The following GALNT18 variants were observed in gnomAD, a reference collection of about 807,000 sequenced individuals.
GALNT18 encodes polypeptide N-acetylgalactosaminyltransferase 18.
A neutral mutation model predicts 69.5 loss-of-function variants in GALNT18; 44 were observed. The observed-to-expected ratio is 0.63, with a 90% CI of 0.50 to 0.81. GALNT18 has a LOEUF of 0.81. Among genes scored for constraint, GALNT18 ranks in the 40% least tolerant of loss-of-function variants. The pLI is 0.00. For synonymous variants in GALNT18, 364 were observed against 318.2 expected (o/e 1.14, Z -1.53); for missense variants, 715 against 810.0 (o/e 0.88, Z 1.42).
In GALNT18 at chr11:11,605,210, C is replaced by T. The variant is rs1446863264; in HGVS notation, c.235+16149G>A. Among the ~76,000 whole-genome samples the T allele has an allele frequency of 6.6e-6, 1 of 152,178 alleles. No individual in the cohort carries two copies. Among genetic ancestry groups the T allele is most frequent in the East Asian group, 1.9e-4 (1 of 5,186 alleles). ...GGAGAAGGGTCTGTGGTGCCAAACT[C>T]AGACCCACACTCATGGGTGGGTGAT... On this transcript the variant is annotated intron_variant, in intron 1 of 10. Coordinates refer to ENST00000227756, the MANE Select transcript of GALNT18 (RefSeq NM_198516.3). This position sits in a 1 kb window ranked among gnomAD's most constrained non-coding sequence, Gnocchi z 4.7.
chr11:11,475,480 GAATTGTGGCTCTTGAGACCCCA>G (rs1326266333), intron 1 of GALNT18: 1 of 152,208 alleles, frequency 6.6e-6, no homozygotes, highest in African/African-American at 2.4e-5. Flanking sequence ...TAGAAGTCTA[GAATTGTGGCTCTTGAGACCCCA>G]AATTGAGTTT....
intron 1 of GALNT18, among the ~76,000 whole-genome samples, chr11:11,486,193 C>G (rs976330278): frequency 1.3e-5 from 2 of 152,184 alleles, no homozygotes; most frequent in Admixed American, 1.3e-4. Flanking sequence ...TTGTCAGAGG[C>G]TTGGCACCAT....
rs1859478586 is a variant in GALNT18 at position 11,595,567 on chromosome 11, A to C, written c.235+25792T>G. On this transcript the variant is annotated intron_variant, in intron 1 of 10. Coordinates refer to ENST00000227756, the MANE Select transcript of GALNT18 (RefSeq NM_198516.3). This position sits in a 1 kb window ranked among gnomAD's most constrained non-coding sequence, Gnocchi z 5.2. Reference sequence around the variant, plus strand: ...CCAACTTCTCCACATCCTCACCAACACTCATTATCCTAGTGGGTGTGAAGC... The same window carrying C: ...CCAACTTCTCCACATCCTCACCAACCCTCATTATCCTAGTGGGTGTGAAGC... Among the ~76,000 whole-genome samples, 1 of 152,112 alleles carries C rather than the reference A, an allele frequency of 6.6e-6. No individual in the cohort carries two copies.
At chr11:11,485,119 GA>G (rs1306704067) in intron 1 of GALNT18, among the ~76,000 whole-genome samples, 1 of 152,050 alleles carries the variant, frequency 6.6e-6, no homozygotes, top group Admixed American at 6.5e-5. Flanking sequence ...GGCTAAAGGG[GA>G]AAAAAGGGTT....
At chr11:11,440,206 A>G (rs1220234244) in intron 2 of GALNT18, among the ~76,000 whole-genome samples, 3 of 152,214 alleles carry the variant, frequency 2.0e-5, no homozygotes, top group Non-Finnish European at 4.4e-5. Context: ...ATAGGAAATC[A>G]GGAAAGAGAA....
rs1304056444 is a variant in GALNT18 at position 11,543,733 on chromosome 11, C to T, written c.235+77626G>A. On this transcript the variant is annotated intron_variant, in intron 1 of 10. Coordinates refer to ENST00000227756, the MANE Select transcript of GALNT18 (RefSeq NM_198516.3). The surrounding 1 kb of genome is among the most constrained non-coding windows in gnomAD (Gnocchi z 5.1). ...TTACAACTGCAAAGTGAGGGGCCAG[C>T]TGAGATCACTGACTCCTACATCCCA... Among the ~76,000 whole-genome samples, 1 of 152,236 alleles carries T rather than the reference C, an allele frequency of 6.6e-6. No individual in the cohort carries two copies. The highest frequency in any genetic ancestry group is 6.5e-5 in the Admixed American group (1 of 15,290).
chr11:11,283,961 T>C (rs73415669), intron 10 of GALNT18, among the ~76,000 whole-genome samples: 5,259 of 152,134 alleles, frequency 0.035, 333 homozygotes, highest in African/African-American at 0.12. Context: ...TCCTCCTCCT[T>C]CTGGGCCTTT....
Position 11,562,108 on chromosome 11 carries a change from T to C in GALNT18, c.235+59251A>G, listed in dbSNP as rs144241716. Among the ~76,000 whole-genome samples, 114 of 152,356 alleles carry C rather than the reference T, an allele frequency of 7.5e-4. No homozygotes were observed. The highest frequency in any genetic ancestry group is 2.6e-3 in the African/African-American group (110 of 41,584). On this transcript the variant is annotated intron_variant, in intron 1 of 10. Transcript: ENST00000227756. This position sits in a 1 kb window ranked among gnomAD's most constrained non-coding sequence, Gnocchi z 4.1. The stretch of plus-strand genomic sequence containing the variant: ...CTGCATTAGTTTGCTAGTGCTGTCC[T>C]AACTAAGTAGCACAGACTGGGTGCC...
At chr11:11,334,090 TTG>T (rs1184785872) in intron 7 of GALNT18, among the ~76,000 whole-genome samples, 1 of 152,092 alleles carries the variant, frequency 6.6e-6, no homozygotes, top group Non-Finnish European at 1.5e-5. Flanking sequence ...TATGCTCTCT[TTG>T]TGAATCCCTG....
chr11:11,376,973 A>C (rs1165260705), intron 5 of GALNT18, among the ~76,000 whole-genome samples: 2 of 152,180 alleles, frequency 1.3e-5, no homozygotes, highest in African/African-American at 4.8e-5. Context: ...GTGATGTGTG[A>C]AAATGGGTCA....
At chr11:11,594,013 GC>G (rs1859426755) in intron 1 of GALNT18, among the ~76,000 whole-genome samples, 2 of 152,158 alleles carry the variant, frequency 1.3e-5, no homozygotes, top group African/African-American at 4.8e-5. Flanking sequence ...GCTTTGCTAG[GC>G]TACATAGTAG....
At chr11:11,531,459 G>A (rs555495027) in intron 1 of GALNT18, among the ~76,000 whole-genome samples, 5 of 152,316 alleles carry the variant, frequency 3.3e-5, no homozygotes, top group South Asian at 2.1e-4. Context: ...CATACGCATC[G>A]GGCTGGTTAC....
rs1375297763 is a variant in GALNT18, at chr11:11,436,429, C to G, written c.429-3642G>C. Among the ~76,000 whole-genome samples the G allele has an allele frequency of 2.0e-5, 3 of 152,002 alleles. No homozygotes were observed. The highest frequency in any genetic ancestry group is 7.2e-5 in the African/African-American group (3 of 41,416). On this transcript the variant is annotated intron_variant, in intron 2 of 10. Coordinates refer to ENST00000227756, the MANE Select transcript of GALNT18 (RefSeq NM_198516.3). The surrounding 1 kb of genome is among the most constrained non-coding windows in gnomAD (Gnocchi z 4.5). ...CTCATCCCAGTTTGCCCAGGACCTTCCCAGTTTCAGCACTGAAAGTCCTAG... is the reference window on the plus strand; with the variant it reads ...CTCATCCCAGTTTGCCCAGGACCTTGCCAGTTTCAGCACTGAAAGTCCTAG...
chr11:11,615,396 G>T (rs1373292422), intron 1 of GALNT18, among the ~76,000 whole-genome samples: 1 of 152,206 alleles, frequency 6.6e-6, no homozygotes, highest in Admixed American at 6.5e-5. Context: ...ACAAAATGCA[G>T]TTAATAACCC....
intron 9 of GALNT18, among the ~76,000 whole-genome samples, chr11:11,321,642 G>A (rs1019914836): frequency 1.9e-4 from 29 of 152,140 alleles, no homozygotes; most frequent in African/African-American, 5.8e-4. Flanking sequence ...TCACTCTGTC[G>A]CTCAGGCTGG....
chr11:11,344,624 C>T (rs987136274), intron 6 of GALNT18, among the ~76,000 whole-genome samples: 1 of 152,206 alleles, frequency 6.6e-6, no homozygotes, highest in African/African-American at 2.4e-5. Context: ...ACTGGATTCA[C>T]ATTTGTCCTC....
chr11:11,360,754 T>C (rs1001739853), intron 6 of GALNT18, among the ~76,000 whole-genome samples: 23 of 152,222 alleles, frequency 1.5e-4, no homozygotes, highest in East Asian at 1.9e-4. Context: ...GGAAACTTTT[T>C]AGCTTTTATA....
At chr11:11,495,368 G>T (rs888901378) in intron 1 of GALNT18, among the ~76,000 whole-genome samples, 1 of 152,106 alleles carries the variant, frequency 6.6e-6, no homozygotes, top group Non-Finnish European at 1.5e-5. Context: ...GGTTGGGTAC[G>T]CAAACTTCCC....
chr11:11,523,093 T>G lies in GALNT18; in HGVS notation c.236-74157A>C, dbSNP rs972160310. Reference sequence around the variant, plus strand: ...ATGCTTTTTCTTATTACAAGCCCTTTCATTATGTCCGCAAGATCAATTCCA... The same window carrying G: ...ATGCTTTTTCTTATTACAAGCCCTTGCATTATGTCCGCAAGATCAATTCCA... On this transcript the variant is annotated intron_variant, in intron 1 of 10. Coordinates refer to ENST00000227756, the MANE Select transcript of GALNT18 (RefSeq NM_198516.3). This position sits in a 1 kb window ranked among gnomAD's most constrained non-coding sequence, Gnocchi z 4.3. 3.9e-5 allele frequency among the ~76,000 whole-genome samples: 6 copies of G among 152,222 alleles called. No homozygotes were observed. Among genetic ancestry groups the G allele is most frequent in the African/African-American group, 1.4e-4 (6 of 41,450 alleles).
Sources: allele counts gnomAD v4.1 joint callset (sites outside exome capture counted in the v4.1 genomes callset), GRCh38; gene constraint gnomAD v4.1.1; non-coding constraint Gnocchi (gnomAD v3.1); transcripts MANE v1.5; gene names NCBI Gene and HGNC (gene_info 2026-07-23, HGNC 2026-07-21).